The following RIN3 variants were observed in gnomAD, a reference collection of about 807,000 sequenced individuals.
RIN3 encodes Ras and Rab interactor 3.
A neutral mutation model predicts 76.3 loss-of-function variants in RIN3; 54 were observed. The ratio of observed to expected loss-of-function variants is 0.71; its 90% CI spans 0.57 to 0.89. The LOEUF (loss-of-function observed/expected upper bound fraction) is 0.89, where lower values mean the gene tolerates loss of function less well. Among genes scored for constraint, RIN3 ranks in the 40% least tolerant of loss-of-function variants. The pLI, the probability that RIN3 is intolerant of heterozygous loss-of-function variation, is 0.00. For synonymous variants in RIN3, 576 were observed against 564.0 expected (o/e 1.02, Z -0.30); for missense variants, 1,256 against 1,322.1 (o/e 0.95, Z 0.78).
rs142691908 is a variant in RIN3, at chr14:92,526,518, G to T, written c.44+12542G>T. On this transcript the variant is annotated intron_variant, in intron 1 of 9. Transcript: ENST00000216487. ...GCCTATAATTCTAGCACTTTGGGAG[G>T]CCAAGACGGATGGATCTTGAGGTCA... is the stretch of plus-strand genomic sequence containing the variant. 4.6e-5 allele frequency among the ~76,000 whole-genome samples: 7 copies of T among 152,048 alleles called. 1 individual carries two copies. Among genetic ancestry groups the T allele is most frequent in the Admixed American group, 4.6e-4 (7 of 15,268 alleles).
chr14:92,570,529 G>T (rs1229121147), intron 2 of RIN3, among the ~76,000 whole-genome samples: 1 of 152,146 alleles, frequency 6.6e-6, no homozygotes, highest in Admixed American at 6.5e-5. Flanking sequence ...AGGCATGGTA[G>T]TGCGTGCCTG....
At chr14:92,627,082 T>C (rs970016206) in intron 4 of RIN3, among the ~76,000 whole-genome samples, 1 of 152,178 alleles carries the variant, frequency 6.6e-6, no homozygotes, top group African/African-American at 2.4e-5. Flanking sequence ...CTCCTTCTAA[T>C]ATTTCAGCAT....
Position 92,676,557 on chromosome 14 carries a change from T to C in RIN3, c.2418T>C (p.Asn806=), listed in dbSNP as rs1451581677. The change falls in exon 8 of 10, where the codon AAT becomes AAC. Residue 806 remains asparagine, a synonymous_variant. Coordinates refer to ENST00000216487, the MANE Select transcript of RIN3 (RefSeq NM_024832.5). ...GCAACCTCACGGAGATGCTTCTCAATGTGGAGTACATGATGGAGCTCATGG... is the reference window on the plus strand; with the variant it reads ...GCAACCTCACGGAGATGCTTCTCAACGTGGAGTACATGATGGAGCTCATGG... The part of the protein sequence containing the change: ...ARSNLTEMLL[N]VEYMMELMDP... The C allele has an allele frequency of 6.2e-7, 1 of 1,614,128 alleles. No individual in the cohort carries two copies.
At chr14:92,636,720 C>CAATTGAT (rs1219092374) in intron 4 of RIN3, among the ~76,000 whole-genome samples, 2 of 152,086 alleles carry the variant, frequency 1.3e-5, no homozygotes, top group Non-Finnish European at 2.9e-5. Context: ...AGCTGCAGAG[C>CAATTGAT]AATTGATGGA....
chr14:92,590,882 C>T (rs1884956091), intron 3 of RIN3, among the ~76,000 whole-genome samples: 1 of 152,134 alleles, frequency 6.6e-6, no homozygotes, highest in Non-Finnish European at 1.5e-5. Flanking sequence ...TCACTAAAGG[C>T]CTGTTTATAG....
rs554947825 is a variant in RIN3, at chr14:92,514,886, C to T, written c.44+910C>T. Among the ~76,000 whole-genome samples, 3 of 152,194 alleles carry T rather than the reference C, an allele frequency of 2.0e-5. No individual in the cohort carries two copies. The highest frequency in any genetic ancestry group is 7.2e-5 in the African/African-American group (3 of 41,442). ...TATTTCTGGGTACCCAGGAGCGCGT[C>T]TGGGGAGGCCATTCCCAGCTTTTTG... On this transcript the variant is annotated intron_variant, in intron 1 of 9. Coordinates refer to ENST00000216487, the MANE Select transcript of RIN3 (RefSeq NM_024832.5). The surrounding 1 kb of genome is among the most constrained non-coding windows in gnomAD (Gnocchi z 7.2).
rs117796639 is a variant in RIN3 at position 92,625,615 on chromosome 14, A to G, written c.440+10136A>G. On this transcript the variant is annotated intron_variant, in intron 4 of 9. Transcript: ENST00000216487. ...CTCTTTTGAAGTGGCCTGCTCTTCC[A>G]TATTTGAAGCACCTATCCTGTCCTC... Among the ~76,000 whole-genome samples, 463 of 152,224 alleles carry G rather than the reference A, an allele frequency of 3.0e-3. 7 individuals are homozygous for G. In the East Asian group the frequency reaches 0.041, roughly 13 times the overall value.
intron 3 of RIN3, 112 bp downstream of exon 3, chr14:92,577,589 TAGA>T (rs1898290146): frequency 1.6e-5 from 10 of 623,866 alleles, no homozygotes; most frequent in Middle Eastern, 9.5e-4. Flanking sequence ...TGTTTAAAAT[TAGA>T]AGGAGGAAAA....
intron 8 of RIN3, among the ~76,000 whole-genome samples, chr14:92,682,431 C>T (rs1383179176): frequency 2.0e-5 from 3 of 152,358 alleles, no homozygotes; most frequent in East Asian, 3.9e-4. Context: ...TGGTTTGTCT[C>T]TTGCATCAAG....
At chr14:92,555,100 G>T (rs986779057) in intron 1 of RIN3, among the ~76,000 whole-genome samples, 1 of 152,208 alleles carries the variant, frequency 6.6e-6, no homozygotes, top group Non-Finnish European at 1.5e-5. Context: ...CTTGATTTGG[G>T]TGGTAGTTAC....
chr14:92,515,539 A>G (rs1896417613), intron 1 of RIN3: 1 of 453,612 alleles, frequency 2.2e-6, no homozygotes, highest in South Asian at 4.5e-5. Flanking sequence ...TTTGAGGACT[A>G]AATACACAGA....
At chr14:92,523,346 A>G (rs903373863) in intron 1 of RIN3, among the ~76,000 whole-genome samples, 1 of 152,204 alleles carries the variant, frequency 6.6e-6, no homozygotes, top group Non-Finnish European at 1.5e-5. Flanking sequence ...TCCTGTCCTC[A>G]GGTGATCCAC....
At chr14:92,577,230 G>T (rs567909021) in intron 2 of RIN3, 130 bp from the exon 3 acceptor site, 5 of 626,954 alleles carry the variant, frequency 8.0e-6, no homozygotes, top group South Asian at 7.1e-5. Flanking sequence ...TGTCCCTGAG[G>T]CATCCTTGAT....
At chr14:92,557,978 G>A (rs1295593647) in intron 2 of RIN3, among the ~76,000 whole-genome samples, 2 of 152,254 alleles carry the variant, frequency 1.3e-5, no homozygotes, top group African/African-American at 4.8e-5. Flanking sequence ...GATGGTCCCA[G>A]GAGAAGGTGC....
chr14:92,596,231 G>T (rs1047795365), intron 3 of RIN3, among the ~76,000 whole-genome samples: 7 of 152,196 alleles, frequency 4.6e-5, no homozygotes, highest in Non-Finnish European at 1.0e-4. Flanking sequence ...GATCCCCCAG[G>T]TGAGACCAAT....
At chr14:92,598,641 C>T (rs72697285) in intron 3 of RIN3, among the ~76,000 whole-genome samples, 15,112 of 152,106 alleles carry the variant, frequency 0.099, 1,130 homozygotes, top group East Asian at 0.42. Flanking sequence ...CCCAGAAACC[C>T]GGTTCCCAAC....
At chr14:92,669,649 T>G (rs973886154) in intron 7 of RIN3, among the ~76,000 whole-genome samples, 11 of 150,922 alleles carry the variant, frequency 7.3e-5, no homozygotes, top group African/African-American at 2.7e-4. Flanking sequence ...GGGGGTGAGG[T>G]GGGGGGTAGT....
At chr14:92,655,807 T>C (rs1202303702) in intron 6 of RIN3, among the ~76,000 whole-genome samples, 1 of 152,144 alleles carries the variant, frequency 6.6e-6, no homozygotes, top group Admixed American at 6.5e-5. Context: ...GGACGAGCAT[T>C]GGCGTCCCTG....
At chr14:92,577,974 T>C (rs1289884518) in intron 3 of RIN3, among the ~76,000 whole-genome samples, 1 of 152,180 alleles carries the variant, frequency 6.6e-6, no homozygotes, top group Admixed American at 6.5e-5. Context: ...GCTTGATGGC[T>C]CACGCCTATA....
Sources: gnomAD v4.1 joint callset for allele counts (sites outside exome capture counted in the v4.1 genomes callset) on GRCh38, gnomAD v4.1.1 for gene constraint, Gnocchi (gnomAD v3.1) non-coding constraint, MANE v1.5 for transcripts, NCBI Gene and HGNC (gene_info 2026-07-23, HGNC 2026-07-21) for gene names.